Variants in KRTAP3-3 observed in about 807,000 individuals in gnomAD.
KRTAP3-3 encodes keratin associated protein 3-3, also known as keratin-associated protein 3-3.
Under a neutral mutation model 5.7 loss-of-function variants are expected in KRTAP3-3, and 8 were observed. That is an observed-to-expected ratio of 1.40 (90% CI 0.82 to 2.52). The LOEUF is 2.52. Among genes scored for constraint, KRTAP3-3 ranks in the 30% most tolerant of loss-of-function variants. KRTAP3-3 has a pLI of 0.00. For synonymous variants in KRTAP3-3, 49 were observed against 47.0 expected (o/e 1.04, Z -0.17); for missense variants, 98 against 121.5 (o/e 0.81, Z 0.91).
chr17:40,993,774 T>G lies in KRTAP3-3; in HGVS notation c.*27A>C. The G allele has an allele frequency of 3.1e-6, 5 of 1,610,590 alleles. No individual in the cohort carries two copies. The highest frequency in any genetic ancestry group is 3.4e-6 in the Non-Finnish European group (4 of 1,177,494). Reference sequence around the variant, plus strand: ...AGCTTCTATGTTGACTTTTTCAATCTCAGGCACTGAGCAAAGTAGCCATCC... The same window carrying G: ...AGCTTCTATGTTGACTTTTTCAATCGCAGGCACTGAGCAAAGTAGCCATCC... On this transcript the variant is annotated 3_prime_UTR_variant, in exon 1 of 1. Coordinates refer to ENST00000391586, the MANE Select transcript of KRTAP3-3 (RefSeq NM_033185.3).
At position 40,993,589 on chromosome 17, in the gene KRTAP3-3, G is replaced by A. The variant is rs532555421; in HGVS notation, c.*212C>T. ...ATCGAACAGCTTCAGGAAGCTATAG[G>A]CATCCACTGATTCAAACTGCAGTTG... On this transcript the variant is annotated 3_prime_UTR_variant, in exon 1 of 1. Coordinates refer to ENST00000391586, the MANE Select transcript of KRTAP3-3 (RefSeq NM_033185.3). The A allele has an allele frequency of 1.4e-5, 9 of 653,324 alleles. No homozygotes were observed. In the East Asian group the frequency reaches 2.5e-4, roughly 18 times the overall value. The allele number at this position is 653,324 out of a possible 1,614,324, so 40.5% of individuals were successfully genotyped here.
At position 40,993,930 on chromosome 17, in the gene KRTAP3-3, G is replaced by C. The variant is rs769852454; in HGVS notation, c.168C>G (p.His56Gln). Residue 56 changes from histidine (H) to glutamine (Q), a missense_variant, in exon 1 of 1, where the codon CAC (histidine) becomes CAG (glutamine). By Grantham distance (24) the His-to-Gln change is conservative. Coordinates refer to ENST00000391586, the MANE Select transcript of KRTAP3-3 (RefSeq NM_033185.3). ...AGGTGGGCACGCAGGGCTGAGGAAT[G>C]TGGCAGGGTGGGGGACAGTTGTCAC... ...TCCDNCPPPC[H>Q]IPQPCVPTCF... 1.9e-6 allele frequency: 3 copies of C among 1,614,126 alleles called. No individual in the cohort carries two copies. The highest frequency in any genetic ancestry group is 1.6e-4 in the Middle Eastern group (1 of 6,062).
At position 40,994,155 on chromosome 17, in the gene KRTAP3-3, AG is replaced by A; in HGVS notation, c.-59del. On this transcript the variant is annotated 5_prime_UTR_variant, in exon 1 of 1. Coordinates refer to ENST00000391586, the MANE Select transcript of KRTAP3-3 (RefSeq NM_033185.3). ...ATTGAAAAGAAGGATAAGGCTTCTG[AG>A]GTGTGAATATCTCTCCTTTCTCTGG... is the stretch of plus-strand genomic sequence containing the variant. The A allele has an allele frequency of 1.3e-6, 2 of 1,577,736 alleles. No individual in the cohort carries two copies. Among genetic ancestry groups the A allele is most frequent in the Non-Finnish European group, 1.7e-6 (2 of 1,152,818 alleles).
In KRTAP3-3 at chr17:40,993,621, G is replaced by C. The variant is rs898098819; in HGVS notation, c.*180C>G. On this transcript the variant is annotated 3_prime_UTR_variant, in exon 1 of 1. Transcript: ENST00000391586. ...CTGATTCAAACTGCAGTTGGTTATA[G>C]CTGAATGGTCATTGAAAGTTTCTTG... 13 of 941,614 alleles carry C rather than the reference G, an allele frequency of 1.4e-5. No homozygotes were observed. The highest frequency in any genetic ancestry group is 5.0e-5 in the African/African-American group (3 of 60,046). 58.3% of individuals were successfully genotyped at this position (941,614 alleles called of 1,614,324 possible).
Position 40,993,906 on chromosome 17 carries a change from G to A in KRTAP3-3, c.192C>T (p.Thr64=). 1.2e-6 allele frequency: 2 copies of A among 1,614,018 alleles called. No homozygotes were observed. The highest frequency in any genetic ancestry group is 1.7e-6 in the Non-Finnish European group (2 of 1,179,896). Residue 64 remains threonine (T), a synonymous_variant, in exon 1 of 1, where the codon ACC becomes ACT. Coordinates refer to ENST00000391586, the MANE Select transcript of KRTAP3-3 (RefSeq NM_033185.3). ...PCHIPQPCVP[T]CFLLNSCQPT... ...GCTGGCAGGAGTTGAGCAGGAAGCA[G>A]GTGGGCACGCAGGGCTGAGGAATGT...
Position 40,994,145 on chromosome 17 carries a change from A to G in KRTAP3-3, c.-48T>C, listed in dbSNP as rs778160924. 52 of 1,594,382 alleles carry G rather than the reference A, an allele frequency of 3.3e-5. No individual in the cohort carries two copies. In the East Asian group the frequency reaches 1.2e-3, roughly 36 times the overall value. On this transcript the variant is annotated 5_prime_UTR_variant, in exon 1 of 1. Transcript: ENST00000391586. ...TATGGGTTTGATTGAAAAGAAGGAT[A>G]AGGCTTCTGAGGTGTGAATATCTCT...
Position 40,993,978 on chromosome 17 carries a change from A to T in KRTAP3-3, c.120T>A (p.Val40=). Residue 40 remains valine (V), a synonymous_variant, in exon 1 of 1, where the codon GTT becomes GTA. Coordinates refer to ENST00000391586, the MANE Select transcript of KRTAP3-3 (RefSeq NM_033185.3). ...CACAGCAGGTGGGCTCCAGTAACCA[A>T]ACTGTGTGTGGGCAGGTGCTGGGCA... ...VCLPSTCPHT[V]WLLEPTCCDN... 1.2e-6 allele frequency: 2 copies of T among 1,614,136 alleles called. No individual in the cohort carries two copies. The highest frequency in any genetic ancestry group is 2.2e-5 in the South Asian group (2 of 91,072).
Position 40,993,604 on chromosome 17 carries a change from A to G in KRTAP3-3, c.*197T>C. ...GAAGCTATAGGCATCCACTGATTCA[A>G]ACTGCAGTTGGTTATAGCTGAATGG... On this transcript the variant is annotated 3_prime_UTR_variant, in exon 1 of 1. Coordinates refer to ENST00000391586, the MANE Select transcript of KRTAP3-3 (RefSeq NM_033185.3). 1.3e-6 allele frequency: 1 copy of G among 750,688 alleles called. No homozygotes were observed. The highest frequency in any genetic ancestry group is 2.1e-6 in the Non-Finnish European group (1 of 482,802). 46.5% of individuals were successfully genotyped at this position (750,688 alleles called of 1,614,324 possible). A position where few individuals can be genotyped will look rare whatever the true frequency, so the allele number is the denominator to read the frequency against.
rs189411694 is a variant in KRTAP3-3 at position 40,994,115 on chromosome 17, G to A, written c.-18C>T. On this transcript the variant is annotated 5_prime_UTR_variant, in exon 1 of 1. Coordinates refer to ENST00000391586, the MANE Select transcript of KRTAP3-3 (RefSeq NM_033185.3). ...CAATCCATGGCTATTAGAGTCTGTG[G>A]TATTTATGGGTTTGATTGAAAAGAA... is the stretch of plus-strand genomic sequence containing the variant. 4,623 of 1,612,310 alleles carry A rather than the reference G, an allele frequency of 2.9e-3. 13 individuals carry two copies. Among genetic ancestry groups the A allele is most frequent in the Non-Finnish European group, 3.4e-3 (3,983 of 1,178,730 alleles).
chr17:40,993,840 A>T lies in KRTAP3-3; in HGVS notation c.258T>A (p.Thr86=), dbSNP rs1432793350. 2.5e-6 allele frequency: 4 copies of T among 1,614,168 alleles called. No homozygotes were observed. The Middle Eastern group carries it at 4.9e-4, about 200-fold the overall frequency. The change falls in exon 1 of 1, where the codon ACT becomes ACA. Residue 86 remains threonine, a synonymous_variant. Transcript: ENST00000391586. ...GLETLNLTTF[T]QPCCEPCLPR... ...GGAGGCAGGGCTCACAGCAGGGCTG[A>T]GTGAAGGTGGTGAGGTTGAGGGTCT... is the stretch of plus-strand genomic sequence containing the variant.
chr17:40,993,724 A>C lies in KRTAP3-3; in HGVS notation c.*77T>G. On this transcript the variant is annotated 3_prime_UTR_variant, in exon 1 of 1. Transcript: ENST00000391586. ...TTCTAAAGCAGAGTACATTAGTTGT[A>C]GGTACTGAGATAGGTGAATGCTAAA... 1 of 1,552,842 alleles carries C rather than the reference A, an allele frequency of 6.4e-7. No homozygotes were observed. Among genetic ancestry groups the C allele is most frequent in the Non-Finnish European group, 8.7e-7 (1 of 1,144,176 alleles).
chr17:40,994,098 G>T lies in KRTAP3-3; in HGVS notation c.-1C>A. 6.2e-7 allele frequency: 1 copy of T among 1,614,026 alleles called. No individual in the cohort carries two copies. Among genetic ancestry groups the T allele is most frequent in the Non-Finnish European group, 8.5e-7 (1 of 1,179,910 alleles). On this transcript the variant is annotated 5_prime_UTR_variant, in exon 1 of 1. Transcript: ENST00000391586. ...AGCCTCGAGAGGCACAGCAATCCATGGCTATTAGAGTCTGTGGTATTTATG... is the reference window on the plus strand; with the variant it reads ...AGCCTCGAGAGGCACAGCAATCCATTGCTATTAGAGTCTGTGGTATTTATG...
Sources: allele counts gnomAD v4.1 joint callset, GRCh38; gene constraint gnomAD v4.1.1; transcripts MANE v1.5; gene names NCBI Gene and HGNC (gene_info 2026-07-23, HGNC 2026-07-21).